The following KIF4A variants were observed in gnomAD, a reference collection of about 807,000 sequenced individuals.
KIF4A encodes kinesin family member 4A.
Under a neutral mutation model 105.9 loss-of-function variants are expected in KIF4A, and 7 were observed. That is an observed-to-expected ratio of 0.07 (90% confidence interval 0.04 to 0.12). KIF4A has a LOEUF of 0.12. KIF4A is among the 10% of genes least tolerant of loss of function. The pLI is 1.00. For synonymous variants in KIF4A, 281 were observed against 331.3 expected, an observed-to-expected ratio of 0.85 and a Z score of 1.65; for missense variants, 558 against 929.2, an observed-to-expected ratio of 0.60 and a Z score of 5.19.
intron 10 of KIF4A, among the ~76,000 whole-genome samples, chrX:70,335,771 T>C (rs981428402): frequency 1.3e-4 from 14 of 111,668 alleles, no homozygotes; most frequent in African/African-American, 2.9e-4. Flanking sequence ...ACAATTGACA[T>C]TGGCAACTAG....
intron 15 of KIF4A, among the ~76,000 whole-genome samples, chrX:70,358,552 G>C (rs1445420962): frequency 3.6e-5 from 4 of 110,767 alleles, no homozygotes; most frequent in African/African-American, 6.6e-5. Context: ...TATTCTTTTT[G>C]TGTGGATGCA....
chrX:70,328,632 A>G (rs751714378), intron 7 of KIF4A, among the ~76,000 whole-genome samples: 3 of 111,994 alleles, frequency 2.7e-5, no homozygotes, highest in East Asian at 2.8e-4. Context: ...CTCATTTTAT[A>G]AAGGAACTTA....
At chrX:70,384,806 G>T (rs2086211122) in intron 18 of KIF4A, among the ~76,000 whole-genome samples, 1 of 109,324 alleles carries the variant, frequency 9.1e-6, no homozygotes. Context: ...TATAGAAAAA[G>T]AAGGCTAAGA....
intron 18 of KIF4A, among the ~76,000 whole-genome samples, chrX:70,379,612 G>A (rs1238830619): frequency 9.0e-6 from 1 of 110,512 alleles, no homozygotes; most frequent in Non-Finnish European, 1.9e-5. Context: ...CCAACATGGT[G>A]AAACCCTGTC....
chrX:70,327,972 C>T (rs778928148), intron 7 of KIF4A, among the ~76,000 whole-genome samples: 2 of 110,947 alleles, frequency 1.8e-5, no homozygotes, highest in Non-Finnish European at 3.8e-5. Flanking sequence ...GATCTACTGA[C>T]AGTATTAGAA....
chrX:70,330,591 AGTTCCTTATATGACTT>A (rs1254941769), intron 9 of KIF4A, among the ~76,000 whole-genome samples: 1 of 111,690 alleles, frequency 9.0e-6, no homozygotes, highest in Non-Finnish European at 1.9e-5. Flanking sequence ...TAAATTCTGA[AGTTCCTTATATGACTT>A]GTTAAAGAAT....
chrX:70,292,623 A>G (rs1352532883), intron 3 of KIF4A, among the ~76,000 whole-genome samples: 3 of 112,013 alleles, frequency 2.7e-5, no homozygotes, highest in Non-Finnish European at 5.6e-5. Context: ...CTTCTCCACT[A>G]TAATCTTTTT....
chrX:70,356,177 G>A (rs1306270298), intron 15 of KIF4A, among the ~76,000 whole-genome samples: 1 of 110,489 alleles, frequency 9.1e-6, no homozygotes, highest in Non-Finnish European at 1.9e-5. Flanking sequence ...CTACTTGGGA[G>A]GCTGAGGTGG....
intron 15 of KIF4A, among the ~76,000 whole-genome samples, chrX:70,372,362 T>G (rs1162536935): frequency 5.3e-5 from 6 of 113,068 alleles, no homozygotes; most frequent in Non-Finnish European, 7.5e-5. Context: ...CATTGAGCAC[T>G]GAGTGAACCA....
chrX:70,367,409 T>G (rs189535611), intron 15 of KIF4A, among the ~76,000 whole-genome samples: 1 of 112,033 alleles, frequency 8.9e-6, no homozygotes, highest in African/African-American at 3.2e-5. Context: ...TTTCCATGTT[T>G]AGTGCTTCCT....
intron 7 of KIF4A, among the ~76,000 whole-genome samples, chrX:70,307,498 A>G (rs2085832173): frequency 8.9e-6 from 1 of 111,791 alleles, no homozygotes; most frequent in Non-Finnish European, 1.9e-5. Context: ...AATGGTGAAT[A>G]AAAGTGGTGA....
chrX:70,416,716 T>G (rs2147744475), intron 28 of KIF4A, among the ~76,000 whole-genome samples: 1 of 112,302 alleles, frequency 8.9e-6, no homozygotes. Flanking sequence ...ACAAACTTAC[T>G]TTCTACTTTT....
chrX:70,368,548 A>T, intron 15 of KIF4A, among the ~76,000 whole-genome samples: 1 of 111,932 alleles, frequency 8.9e-6, no homozygotes, highest in Non-Finnish European at 1.9e-5. Context: ...TCAGCAGCGG[A>T]GGCTGCAGAT....
In KIF4A at chrX:70,405,887, G is replaced by A. The variant is rs1283844032; in HGVS notation, c.2958G>A (p.Glu986=). The A allele has an allele frequency of 3.3e-6, 4 of 1,206,587 alleles. No individual in the cohort carries two copies. Among genetic ancestry groups the A allele is most frequent in the Non-Finnish European group, 4.5e-6 (4 of 891,031 alleles). The change falls in exon 26 of 31, where the codon GAG becomes GAA. Residue 986 remains glutamate (E), a synonymous_variant. Transcript: ENST00000374403. The part of the protein sequence containing the change: ...VCEQNQQLLR[E]NEIIKQKLTL... ...AGCAAAATCAGCAGCTTCTCCGAGA[G>A]AATGAAATCATCAAGCAGGTAATAC...
At chrX:70,414,626 TGA>T (rs1037175293) in intron 28 of KIF4A, among the ~76,000 whole-genome samples, 1 of 112,114 alleles carries the variant, frequency 8.9e-6, no homozygotes, top group Non-Finnish European at 1.9e-5. Context: ...CATTTAACTT[TGA>T]GAGGATTTGG....
At chrX:70,352,400 A>G (rs1298513304) in intron 13 of KIF4A, among the ~76,000 whole-genome samples, 200 bp from the exon 14 acceptor site, 4 of 111,920 alleles carry the variant, frequency 3.6e-5, no homozygotes, top group African/African-American at 1.3e-4. Context: ...GAGCTACACA[A>G]TTGTCCTTTA....
intron 21 of KIF4A, 25 bp from the exon 22 acceptor site, chrX:70,395,923 AC>A: frequency 8.4e-7 from 1 of 1,194,421 alleles, no homozygotes. Context: ...TTAGTATTTC[AC>A]CCTTGTTCTC....
At position 70,343,484 on chromosome X, in the gene KIF4A, C is replaced by T. The variant is rs773896899; in HGVS notation, c.1267-219C>T. ...ATGGCAAGCATAAAACCTAGCTGCT[C>T]GGATGCTATTTTTAGTAGCTCATGT... On this transcript the variant is annotated intron_variant, in intron 11 of 30. Coordinates refer to ENST00000374403, the MANE Select transcript of KIF4A (RefSeq NM_012310.5). Among the ~76,000 whole-genome samples, 5 of 111,511 alleles carry T rather than the reference C, an allele frequency of 4.5e-5. No homozygotes were observed. The South Asian group carries it at 1.5e-3, about 33-fold the overall frequency.
intron 20 of KIF4A, among the ~76,000 whole-genome samples, chrX:70,391,665 C>T (rs2086237937): frequency 1.8e-5 from 2 of 110,259 alleles, no homozygotes; most frequent in East Asian, 2.8e-4. Flanking sequence ...TTTGTTTTTA[C>T]ATGGGTAAAT....
Sources: allele counts gnomAD v4.1 joint callset (sites outside exome capture counted in the v4.1 genomes callset), GRCh38; gene constraint gnomAD v4.1.1; transcripts MANE v1.5; gene names NCBI Gene and HGNC (gene_info 2026-07-23, HGNC 2026-07-21).